Variants in KIAA1671 observed in about 807,000 individuals in gnomAD.
The protein encoded by KIAA1671 is uncharacterized protein KIAA1671.
In KIAA1671, 52 loss-of-function variants were observed where a neutral mutation model predicts 131.2. The observed-to-expected ratio is 0.40, with a 90% confidence interval of 0.32 to 0.50. The LOEUF (loss-of-function observed/expected upper bound fraction) is 0.50, where lower values mean the gene tolerates loss of function less well. KIAA1671 is among the 20% of genes least tolerant of loss of function. The pLI, the probability that KIAA1671 is intolerant of heterozygous loss-of-function variation, is 0.73. For synonymous variants in KIAA1671, 1,003 were observed against 961.6 expected (o/e 1.04, Z -0.80); for missense variants, 2,360 against 2,364.2 (o/e 1.00, Z 0.04).
At chr22:25,047,645 G>A (rs960839262) in intron 5 of KIAA1671, among the ~76,000 whole-genome samples, 4 of 151,866 alleles carry the variant, frequency 2.6e-5, no homozygotes, top group East Asian at 1.9e-4. Flanking sequence ...GCTAATTTTC[G>A]TATTTGTAGT....
chr22:25,055,186 A>AAAAGGAGGGGAGGAACATTTGGATTCTG (rs1927771110), intron 6 of KIAA1671: 3 of 149,610 alleles, frequency 2.0e-5, no homozygotes, highest in Non-Finnish European at 3.0e-5. Flanking sequence ...TAAGACTGGA[A>AAAAGGAGGGGAGGAACATTTGGATTCTG]AAAGGAGGGG....
intron 5 of KIAA1671, 84 bp downstream of exon 5, chr22:25,041,609 C>T (rs1303895231): frequency 2.2e-6 from 3 of 1,376,770 alleles, no homozygotes; most frequent in Non-Finnish European, 2.9e-6. Flanking sequence ...TTTGTGTGGC[C>T]CACTTTGGGT....
intron 4 of KIAA1671, among the ~76,000 whole-genome samples, chr22:25,034,832 G>A (rs1215315456): frequency 7.2e-5 from 11 of 151,980 alleles, no homozygotes; most frequent in Non-Finnish European, 1.0e-4. Context: ...CCGCCTCCTG[G>A]GTTCACACCA....
At chr22:25,145,238 C>T (rs952326675) in intron 6 of KIAA1671, among the ~76,000 whole-genome samples, 13 of 152,316 alleles carry the variant, frequency 8.5e-5, no homozygotes, top group African/African-American at 2.9e-4. Context: ...TAAAAAATAC[C>T]ACCGGCTCTT....
intron 1 of KIAA1671, among the ~76,000 whole-genome samples, chr22:25,007,966 C>T (rs996094971): frequency 7.9e-5 from 12 of 151,628 alleles, no homozygotes; most frequent in African/African-American, 2.9e-4. Flanking sequence ...GAGGCTGAGG[C>T]GGGTGGATCA....
At chr22:25,165,886 G>C (rs1933627987) in intron 6 of KIAA1671, among the ~76,000 whole-genome samples, 2 of 152,080 alleles carry the variant, frequency 1.3e-5, no homozygotes, top group African/African-American at 4.8e-5. Flanking sequence ...GGACTGGGGG[G>C]TGAGAGGAGG....
At chr22:25,190,472 C>T (rs1031112006) in intron 11 of KIAA1671, among the ~76,000 whole-genome samples, 2 of 152,230 alleles carry the variant, frequency 1.3e-5, no homozygotes, top group Admixed American at 1.3e-4. Context: ...GTCTGTGGCC[C>T]AGGGGGTTGG....
At chr22:25,153,764 C>T (rs1217071437) in intron 6 of KIAA1671, among the ~76,000 whole-genome samples, 1 of 152,222 alleles carries the variant, frequency 6.6e-6, no homozygotes, top group Non-Finnish European at 1.5e-5. Flanking sequence ...CCTTCTGCCA[C>T]AGAGCATCCT....
rs1934848320 is a variant in KIAA1671, at chr22:25,196,961, CAG to C, written c.*4564_*4565del. On this transcript the variant is annotated 3_prime_UTR_variant, in exon 13 of 13. Transcript: ENST00000358431. The stretch of plus-strand genomic sequence containing the variant: ...AAATATATATATATACACACACACA[CAG>C]AGACACACACACACACAAGTATAGT... The C allele has an allele frequency of 6.6e-6, 1 of 152,012 alleles. No individual in the cohort carries two copies. Among genetic ancestry groups the C allele is most frequent in the Admixed American group, 6.6e-5 (1 of 15,238 alleles). The allele number at this position is 152,012 out of a possible 1,614,324, so 9.4% of individuals were successfully genotyped here.
rs1166795794 is a variant in KIAA1671 at position 25,194,637 on chromosome 22, A to G, written c.*2236A>G. On this transcript the variant is annotated 3_prime_UTR_variant, in exon 13 of 13. Transcript: ENST00000358431. ...CCCTAATCTCTCATACCTTAATTGG[A>G]AAAATAATCAATTAATTCTATGTTA... is the stretch of plus-strand genomic sequence containing the variant. The G allele has an allele frequency of 6.6e-6, 1 of 152,224 alleles. No homozygotes were observed. The highest frequency in any genetic ancestry group is 2.4e-5 in the African/African-American group (1 of 41,464). 9.4% of individuals were successfully genotyped at this position (152,224 alleles called of 1,614,324 possible). A position where few individuals can be genotyped will look rare whatever the true frequency, so the allele number is the denominator to read the frequency against.
chr22:25,051,639 C>A (rs368264236), intron 6 of KIAA1671: 2,931 of 152,232 alleles, frequency 0.019, 43 homozygotes, highest in Non-Finnish European at 0.029. Flanking sequence ...TCTCACCTGT[C>A]CAATTCTCTT....
chr22:25,037,364 GTGTATATATGTATATATGTGTATATA>G (rs1474398477), intron 4 of KIAA1671, among the ~76,000 whole-genome samples: 8,293 of 151,726 alleles, frequency 0.055, 719 homozygotes, highest in African/African-American at 0.19. Flanking sequence ...AAATATATAT[GTGTATATATGTATATATGTGTATATA>G]TGTATATATG....
intron 1 of KIAA1671, among the ~76,000 whole-genome samples, chr22:24,956,048 GA>G (rs1215329956): frequency 6.7e-6 from 1 of 149,870 alleles, no homozygotes; most frequent in Non-Finnish European, 1.5e-5. Flanking sequence ...AAAAAGAAAA[GA>G]AAAAAGAAAA....
intron 2 of KIAA1671, among the ~76,000 whole-genome samples, chr22:25,027,728 T>A (rs888450915): frequency 6.6e-6 from 1 of 152,156 alleles, no homozygotes; most frequent in African/African-American, 2.4e-5. Flanking sequence ...CCCTTGGAGC[T>A]GGAACGAACT....
chr22:25,071,627 G>A (rs1928833076), intron 6 of KIAA1671, among the ~76,000 whole-genome samples: 1 of 111,498 alleles, frequency 9.0e-6, no homozygotes, highest in Admixed American at 8.6e-5. Context: ...TGAATTGTGT[G>A]GTTTGCAAGG....
intron 1 of KIAA1671, among the ~76,000 whole-genome samples, chr22:25,008,794 A>G (rs1858693776): frequency 6.6e-6 from 1 of 152,246 alleles, no homozygotes; most frequent in Admixed American, 6.5e-5. Context: ...AGGACAGTGG[A>G]GCCCAATAAA....
chr22:25,105,270 C>T (rs939559457), intron 6 of KIAA1671, among the ~76,000 whole-genome samples: 4 of 152,168 alleles, frequency 2.6e-5, no homozygotes, highest in African/African-American at 9.7e-5. Flanking sequence ...AATCTACCCA[C>T]CTGAGCCTCC....
chr22:25,093,802 C>CTCTT (rs1930224716), intron 6 of KIAA1671, among the ~76,000 whole-genome samples: 1 of 141,128 alleles, frequency 7.1e-6, no homozygotes, highest in African/African-American at 2.6e-5. Flanking sequence ...CTCTCTCTCT[C>CTCTT]TCTCTCTCTG....
intron 6 of KIAA1671, among the ~76,000 whole-genome samples, chr22:25,090,003 T>G (rs902160029): frequency 3.3e-5 from 5 of 152,092 alleles, no homozygotes; most frequent in African/African-American, 9.7e-5. Context: ...AAGAGGGTGG[T>G]GCGCTGTCAG....
Sources: gnomAD v4.1 joint callset for allele counts (sites outside exome capture counted in the v4.1 genomes callset) on GRCh38, gnomAD v4.1.1 for gene constraint, MANE v1.5 for transcripts, NCBI Gene and HGNC (gene_info 2026-07-23, HGNC 2026-07-21) for gene names.